Variants in GART observed in about 807,000 individuals in gnomAD.
The protein encoded by GART is trifunctional purine biosynthetic protein adenosine-3.
GART carries 43 observed loss-of-function variants against 107.2 expected under a neutral mutation model. The observed-to-expected ratio is 0.40, with a 90% CI of 0.31 to 0.52. The LOEUF (loss-of-function observed/expected upper bound fraction) is 0.52, where lower values mean the gene tolerates loss of function less well. Among genes scored for constraint, GART ranks in the 20% least tolerant of loss-of-function variants. GART has a pLI of 0.52. For synonymous variants in GART, 434 were observed against 427.0 expected (o/e 1.02, Z -0.20); for missense variants, 1,107 against 1,206.5 (o/e 0.92, Z 1.22).
chr21:33,529,072 T>C, intron 7 of GART, 135 bp from the exon 8 acceptor site: 1 of 536,472 alleles, frequency 1.9e-6, no homozygotes, highest in African/African-American at 1.9e-5. Flanking sequence ...CACTTTGAAC[T>C]TGAAAGATTT....
chr21:33,523,649 GA>G (rs2085013010), intron 11 of GART, among the ~76,000 whole-genome samples: 1 of 151,966 alleles, frequency 6.6e-6, no homozygotes, highest in Non-Finnish European at 1.5e-5. Context: ...TGAACTTCAC[GA>G]ACAATAGCAA....
chr21:33,541,356 A>T (rs2085418878), intron 1 of GART, among the ~76,000 whole-genome samples: 1 of 152,246 alleles, frequency 6.6e-6, no homozygotes, highest in Admixed American at 6.5e-5. Context: ...TACGTTGGCC[A>T]GGCTGGTCTC....
At chr21:33,530,914 G>T in intron 6 of GART, 30 bp from the exon 7 acceptor site, 1 of 1,489,536 alleles carries the variant, frequency 6.7e-7, no homozygotes, top group Non-Finnish European at 8.8e-7. Context: ...GTCCATTTAT[G>T]TTAACTGTCA....
At chr21:33,533,392 T>C (rs1242975221) in intron 4 of GART, among the ~76,000 whole-genome samples, 4 of 145,452 alleles carry the variant, frequency 2.8e-5, no homozygotes, top group African/African-American at 5.1e-5. Context: ...TGAGCCGAGA[T>C]AGAGATAGCG....
rs559509642 is a variant in GART at position 33,519,552 on chromosome 21, TAAAA to T, written c.1702+808_1702+811del. On this transcript the variant is annotated intron_variant, in intron 14 of 21. Coordinates refer to ENST00000381815, the MANE Select transcript of GART (RefSeq NM_000819.5). Reference sequence around the variant, plus strand: ...CTGCGTGACAGAGCAAGACTCTGTTTAAAAAAAAAAAAAAAAAAAGAGGCAGTGT... The same window carrying T: ...CTGCGTGACAGAGCAAGACTCTGTTTAAAAAAAAAAAAAAAGAGGCAGTGT... Among the ~76,000 whole-genome samples, 4 of 123,338 alleles carry T rather than the reference TAAAA, an allele frequency of 3.2e-5. No homozygotes were observed. The South Asian group carries it at 7.6e-4, about 23-fold the overall frequency. 80.9% of individuals were successfully genotyped at this position (123,338 alleles called of 152,430 possible).
chr21:33,519,791 G>A (rs543409706), intron 14 of GART, among the ~76,000 whole-genome samples: 5 of 150,934 alleles, frequency 3.3e-5, no homozygotes, highest in Non-Finnish European at 7.4e-5. Flanking sequence ...TTGAACCACT[G>A]CACTCCAACC....
chr21:33,521,398 G>A (rs1055067635), intron 12 of GART, among the ~76,000 whole-genome samples: 66 of 151,984 alleles, frequency 4.3e-4, no homozygotes, highest in African/African-American at 1.4e-3. Flanking sequence ...TTGGGAGGCC[G>A]AGGCGGGTGG....
At chr21:33,531,587 TTTA>T (rs1364879815) in intron 5 of GART, 30 bp from the exon 6 acceptor site, 2 of 1,551,410 alleles carry the variant, frequency 1.3e-6, no homozygotes, top group Non-Finnish European at 1.7e-6. Flanking sequence ...TTTTTTTTTT[TTTA>T]AAAAAAGAGG....
chr21:33,538,469 G>C (rs2085345584), intron 2 of GART, among the ~76,000 whole-genome samples: 1 of 152,020 alleles, frequency 6.6e-6, no homozygotes, highest in Admixed American at 6.6e-5. Flanking sequence ...CTGGGCTCAA[G>C]AGATCCTTCT....
In GART at chr21:33,524,872, C is replaced by A. The variant is rs768528434; in HGVS notation, c.1195G>T (p.Ala399Ser). ...VTAIRENLIS[A>S]LEEAKKGLAA... is the part of the protein sequence containing the mutation. ...AGTCCTTTCTTGGCTTCCTCAAGGG[C>A]TGATATGAGATTTTCCCGGATGGCT... The change falls in exon 11 of 22, where the codon GCC becomes TCC. Residue 399 changes from alanine to serine, a missense_variant. Coordinates refer to ENST00000381815, the MANE Select transcript of GART (RefSeq NM_000819.5). The A allele has an allele frequency of 6.2e-7, 1 of 1,614,150 alleles. No individual in the cohort carries two copies. Among genetic ancestry groups the A allele is most frequent in the Non-Finnish European group, 8.5e-7 (1 of 1,180,020 alleles).
chr21:33,523,375 A>T (rs2085007464), intron 11 of GART, among the ~76,000 whole-genome samples: 2 of 152,230 alleles, frequency 1.3e-5, no homozygotes, highest in African/African-American at 4.8e-5. Context: ...AGTAGCAACT[A>T]ACACTGTGGC....
intron 5 of GART, 147 bp downstream of exon 5, chr21:33,532,198 G>T: frequency 3.1e-6 from 2 of 655,312 alleles, no homozygotes; most frequent in Admixed American, 4.9e-5. Context: ...TATAGAGATG[G>T]ATTATAATAC....
rs142038738 is a variant in GART, at chr21:33,531,555, C to A, written c.531G>T (p.Glu177Asp). ...TTTCTCCAGCTGCCCCAAAGGCTTTCTCCTGATTGTAAGATTTTTTTTTTT... is the reference window on the plus strand; with the variant it reads ...TTTCTCCAGCTGCCCCAAAGGCTTTATCCTGATTGTAAGATTTTTTTTTTT... ...ACKAVQEIMQ[E>D]KAFGAAGETI... The change falls in exon 6 of 22, where the codon GAG becomes GAT. Residue 177 changes from glutamate to aspartate, a missense_variant and splice_region_variant. Physicochemically the swap from Glu to Asp is conservative, Grantham distance 45 (BLOSUM62 2). Transcript: ENST00000381815. 8.9e-4 allele frequency: 1,404 copies of A among 1,585,904 alleles called. 2 individuals carry two copies. The highest frequency in any genetic ancestry group is 3.3e-3 in the Middle Eastern group (19 of 5,824).
chr21:33,536,157 A>C (rs2085300930), intron 2 of GART, among the ~76,000 whole-genome samples: 1 of 152,234 alleles, frequency 6.6e-6, no homozygotes, highest in Admixed American at 6.5e-5. Context: ...AATTAAGCAA[A>C]TTTGATATGA....
intron 8 of GART, 54 bp downstream of exon 8, chr21:33,528,796 A>AAAAGTAG: frequency 7.4e-7 from 1 of 1,343,420 alleles, no homozygotes. Flanking sequence ...AAGTTTTATC[A>AAAAGTAG]AAAGTAGAAA....
upstream of GART, chr21:33,542,662 G>A (rs1029271112): frequency 2.4e-5 from 4 of 167,318 alleles, no homozygotes; most frequent in Non-Finnish European, 5.2e-5. Flanking sequence ...GGCGCCACCT[G>A]AGAGCGCCTG....
chr21:33,504,170 A>G lies in GART; in HGVS notation c.2987T>C (p.Val996Ala). The change falls in exon 22 of 22, where the codon GTA (valine) becomes GCA (alanine). Residue 996 changes from valine (V) to alanine (A), a missense_variant. By Grantham distance (64) the Val-to-Ala change is moderately conservative (BLOSUM62 0). Transcript: ENST00000381815. ...GATCTTGCCATTTTCTCCAAGCTGT[A>G]CAGTTCCACTGGCCACCAGCTGAAG... is the stretch of plus-strand genomic sequence containing the variant. Reference protein sequence around the residue: ...AALQLVASGTVQLGENGKICW... With the variant: ...AALQLVASGTAQLGENGKICW... 1 of 1,614,204 alleles carries G rather than the reference A, an allele frequency of 6.2e-7. No individual in the cohort carries two copies. Among genetic ancestry groups the G allele is most frequent in the Non-Finnish European group, 8.5e-7 (1 of 1,180,030 alleles).
rs1416705044 is a variant in GART at position 33,517,353 on chromosome 21, T to C, written c.1954+4A>G. 1.2e-6 allele frequency: 2 copies of C among 1,614,008 alleles called. No homozygotes were observed. Among genetic ancestry groups the C allele is most frequent in the South Asian group, 2.2e-5 (2 of 91,078 alleles). On this transcript the variant is annotated splice_donor_region_variant and intron_variant, in intron 15 of 21. Transcript: ENST00000381815. ...CAGGACAGTTTAAACATGAGGGAGT[T>C]TACCTAAAGTCTGGTCACCACAACC...
intron 10 of GART, among the ~76,000 whole-genome samples, chr21:33,525,286 G>A (rs540619704): frequency 7.2e-4 from 109 of 152,106 alleles, no homozygotes; most frequent in African/African-American, 2.5e-3. Flanking sequence ...TGAGGTGGGA[G>A]GATCACTTGA....
Sources: gnomAD v4.1 joint callset for allele counts (sites outside exome capture counted in the v4.1 genomes callset) on GRCh38, gnomAD v4.1.1 for gene constraint, MANE v1.5 for transcripts, NCBI Gene and HGNC (gene_info 2026-07-23, HGNC 2026-07-21) for gene names.